RPTOR: variants seen among roughly 807,000 people sequenced by gnomAD.
RPTOR encodes regulatory-associated protein of mTOR.
RPTOR carries 21 observed loss-of-function variants against 169.9 expected under a neutral mutation model. The observed-to-expected ratio is 0.12, with a 90% CI of 0.09 to 0.18. The LOEUF is 0.18. Ranked by LOEUF, RPTOR falls within the 10% of genes least tolerant of loss-of-function variation. RPTOR has a pLI of 1.00. For missense variants in RPTOR, 1,133 were observed against 1,855.9 expected (o/e 0.61, Z 7.16); for synonymous variants, 732 against 753.2 (o/e 0.97, Z 0.46).
At position 80,617,404 on chromosome 17, in the gene RPTOR, G is replaced by A. The variant is rs74888915; in HGVS notation, c.163-8287G>A. Among the ~76,000 whole-genome samples, 1,459 of 152,286 alleles carry A rather than the reference G, an allele frequency of 9.6e-3. 24 individuals carry two copies. The highest frequency in any genetic ancestry group is 0.034 in the African/African-American group (1,395 of 41,558). On this transcript the variant is annotated intron_variant, in intron 1 of 33. Transcript: ENST00000306801. Reference sequence around the variant, plus strand: ...CATTTACCAACAGAGTTCACCAACAGTTGCAATCTGAAAGTATGTTTTTGT... The same window carrying A: ...CATTTACCAACAGAGTTCACCAACAATTGCAATCTGAAAGTATGTTTTTGT...
chr17:80,904,917 A>AT lies in RPTOR; in HGVS notation c.2402-3885dup, dbSNP rs1028661253. Among the ~76,000 whole-genome samples, 123 of 152,002 alleles carry AT rather than the reference A, an allele frequency of 8.1e-4. 1 individual carries two copies. Among genetic ancestry groups the AT allele is most frequent in the African/African-American group, 2.7e-3 (114 of 41,490 alleles). On this transcript the variant is annotated intron_variant, in intron 20 of 33. Coordinates refer to ENST00000306801, the MANE Select transcript of RPTOR (RefSeq NM_020761.3). ...CACTAAAAAGACTGGCAAAAATTAGATTTTTTTTTCCCCTGTTGAGTCGCA... is the reference window on the plus strand; with the variant it reads ...CACTAAAAAGACTGGCAAAAATTAGATTTTTTTTTTCCCCTGTTGAGTCGCA...
At position 80,602,041 on chromosome 17, in the gene RPTOR, G is replaced by A. The variant is rs1271983320; in HGVS notation, c.163-23650G>A. Among the ~76,000 whole-genome samples, 3 of 45,350 alleles carry A rather than the reference G, an allele frequency of 6.6e-5. 1 individual carries two copies. Among genetic ancestry groups the A allele is most frequent in the Admixed American group, 3.1e-4 (2 of 6,382 alleles). 29.8% of individuals were successfully genotyped at this position (45,350 alleles called of 152,430 possible). A position where few individuals can be genotyped will look rare whatever the true frequency, so the allele number is the denominator to read the frequency against. ...CTTTCCCGCCTTTCTATTCCACAAAGCCGCCATTGTCATCCTGGCCCGTTC... is the reference window on the plus strand; with the variant it reads ...CTTTCCCGCCTTTCTATTCCACAAAACCGCCATTGTCATCCTGGCCCGTTC... On this transcript the variant is annotated intron_variant, in intron 1 of 33. Transcript: ENST00000306801.
intron 28 of RPTOR, among the ~76,000 whole-genome samples, chr17:80,956,876 G>T (rs1211251612): frequency 6.6e-6 from 1 of 152,102 alleles, no homozygotes; most frequent in Non-Finnish European, 1.5e-5. Flanking sequence ...TTCCTGGAAG[G>T]CTCTGCTCCG....
intron 2 of RPTOR, among the ~76,000 whole-genome samples, chr17:80,629,120 T>C (rs1014298203): frequency 6.7e-6 from 1 of 149,986 alleles, no homozygotes; most frequent in Admixed American, 6.6e-5. Context: ...CTCAGCTCTC[T>C]ATGTATTGTG....
intron 1 of RPTOR, among the ~76,000 whole-genome samples, chr17:80,564,711 C>T (rs9910907): frequency 0.078 from 11,768 of 151,836 alleles, 1,520 homozygotes; most frequent in African/African-American, 0.27. Context: ...AGCCTAGTAC[C>T]CAATAGCTTT....
chr17:80,895,747 C>T (rs758958402), intron 20 of RPTOR, among the ~76,000 whole-genome samples: 3 of 152,252 alleles, frequency 2.0e-5, no homozygotes, highest in Admixed American at 1.3e-4. Flanking sequence ...CCCATCTCGC[C>T]ACTCTCTACC....
At chr17:80,777,431 A>G (rs1002253241) in intron 6 of RPTOR, among the ~76,000 whole-genome samples, 11 of 152,126 alleles carry the variant, frequency 7.2e-5, no homozygotes, top group African/African-American at 2.4e-4. Context: ...TGTCTCTGGT[A>G]TGTCTTCATT....
intron 1 of RPTOR, among the ~76,000 whole-genome samples, chr17:80,611,089 A>G (rs1252335071): frequency 6.6e-6 from 1 of 152,096 alleles, no homozygotes; most frequent in African/African-American, 2.4e-5. Flanking sequence ...TTGCCTCCAA[A>G]TCTTTATTTT....
At chr17:80,752,536 C>T (rs1446168270) in intron 5 of RPTOR, among the ~76,000 whole-genome samples, 2 of 152,222 alleles carry the variant, frequency 1.3e-5, no homozygotes, top group Non-Finnish European at 2.9e-5. Context: ...TTAAATTTTA[C>T]TGGCCAAAAT....
At chr17:80,897,749 C>T (rs1412394530) in intron 20 of RPTOR, among the ~76,000 whole-genome samples, 4 of 152,122 alleles carry the variant, frequency 2.6e-5, no homozygotes, top group East Asian at 1.9e-4. Flanking sequence ...CTGGCTCCTC[C>T]GGGCATGGTG....
At chr17:80,881,068 A>T (rs1794908315) in intron 14 of RPTOR, among the ~76,000 whole-genome samples, 1 of 152,256 alleles carries the variant, frequency 6.6e-6, no homozygotes, top group South Asian at 2.1e-4. Context: ...TCTAACTCCC[A>T]GCTTAGTAAT....
intron 1 of RPTOR, among the ~76,000 whole-genome samples, chr17:80,546,010 T>A (rs1036882497): frequency 5.3e-5 from 8 of 152,056 alleles, no homozygotes; most frequent in Non-Finnish European, 7.3e-5. Context: ...TTAATTCAAT[T>A]CCAACTAAGT....
intron 3 of RPTOR, among the ~76,000 whole-genome samples, chr17:80,671,863 C>T (rs7217223): frequency 0.28 from 42,330 of 151,932 alleles, 5,994 homozygotes; most frequent in East Asian, 0.36. Flanking sequence ...CAAAGATGAC[C>T]GTGGAATTTT....
intron 5 of RPTOR, among the ~76,000 whole-genome samples, chr17:80,753,794 A>C (rs1007137266): frequency 6.6e-6 from 1 of 152,128 alleles, no homozygotes; most frequent in Non-Finnish European, 1.5e-5. Flanking sequence ...CTGTGCCATC[A>C]GAAGGGCCTT....
chr17:80,890,622 G>A (rs1045666341), intron 17 of RPTOR, among the ~76,000 whole-genome samples: 3 of 152,246 alleles, frequency 2.0e-5, no homozygotes, highest in Admixed American at 6.5e-5. Flanking sequence ...TCAAGAGGGC[G>A]CTGCAGGCTG....
intron 5 of RPTOR, among the ~76,000 whole-genome samples, chr17:80,731,770 A>C (rs1486079792): frequency 6.6e-6 from 1 of 152,232 alleles, no homozygotes; most frequent in East Asian, 1.9e-4. Context: ...GAATATATTC[A>C]ATTTTAATGT....
intron 7 of RPTOR, among the ~76,000 whole-genome samples, chr17:80,795,391 C>G (rs1379709576): frequency 6.6e-6 from 1 of 152,162 alleles, no homozygotes; most frequent in Non-Finnish European, 1.5e-5. Flanking sequence ...GCGTTTGCAG[C>G]CACTCGTGTT....
At chr17:80,854,625 G>A (rs1395499385) in intron 11 of RPTOR, among the ~76,000 whole-genome samples, 1 of 152,236 alleles carries the variant, frequency 6.6e-6, no homozygotes, top group Non-Finnish European at 1.5e-5. Context: ...CAGGCATGAT[G>A]GCCCACGCCT....
chr17:80,591,442 G>T (rs966914818), intron 1 of RPTOR, among the ~76,000 whole-genome samples: 2 of 148,588 alleles, frequency 1.3e-5, no homozygotes, highest in African/African-American at 5.0e-5. Flanking sequence ...GCAGTGGCGT[G>T]ATCTCGGCTC....
Sources: allele counts gnomAD v4.1 joint callset (sites outside exome capture counted in the v4.1 genomes callset), GRCh38; gene constraint gnomAD v4.1.1; transcripts MANE v1.5; gene names NCBI Gene and HGNC (gene_info 2026-07-23, HGNC 2026-07-21).